Variants in CCDC73 observed in about 807,000 individuals in gnomAD.
The protein encoded by CCDC73 is coiled-coil domain containing 73.
A neutral mutation model predicts 116.5 loss-of-function variants in CCDC73; 95 were observed. That is an observed-to-expected ratio of 0.82 (90% confidence interval 0.69 to 0.97). The LOEUF (loss-of-function observed/expected upper bound fraction) is 0.97. Among genes scored for constraint, CCDC73 ranks in the 50% least tolerant of loss-of-function variants. CCDC73 has a pLI of 0.00. For missense variants in CCDC73, 1,066 were observed against 1,206.8 expected, an observed-to-expected ratio of 0.88 and a Z score of 1.73; for synonymous variants, 398 against 401.3, an observed-to-expected ratio of 0.99 and a Z score of 0.10.
intron 2 of CCDC73, among the ~76,000 whole-genome samples, chr11:32,741,966 T>C (rs951973036): frequency 6.6e-6 from 1 of 152,186 alleles, no homozygotes; most frequent in African/African-American, 2.4e-5. Flanking sequence ...GCTTCATCCA[T>C]GTCCCTACAA....
At chr11:32,702,023 C>T (rs1226400215) in intron 4 of CCDC73, among the ~76,000 whole-genome samples, 2 of 152,310 alleles carry the variant, frequency 1.3e-5, no homozygotes, top group East Asian at 3.9e-4. Context: ...GAATACTATG[C>T]TACACTTTTG....
the CCDC73 span, among the ~76,000 whole-genome samples, chr11:32,820,239 G>T: frequency 6.6e-6 from 1 of 151,870 alleles, no homozygotes; most frequent in Non-Finnish European, 1.5e-5. Flanking sequence ...CTGCAGCCTC[G>T]ATCTCCCAGG....
At chr11:32,774,426 C>T (rs550958403) in intron 1 of CCDC73, among the ~76,000 whole-genome samples, 35 of 151,960 alleles carry the variant, frequency 2.3e-4, no homozygotes, top group Admixed American at 1.1e-3. Flanking sequence ...TTTTAATGAA[C>T]GTGAGAAAAA....
intron 14 of CCDC73, among the ~76,000 whole-genome samples, chr11:32,632,674 T>G (rs973771531): frequency 1.3e-5 from 2 of 152,194 alleles, no homozygotes; most frequent in African/African-American, 4.8e-5. Context: ...AAATCTTTCA[T>G]TATAACTGTG....
intron 6 of CCDC73, among the ~76,000 whole-genome samples, chr11:32,697,638 C>T (rs1305639659): frequency 6.6e-6 from 1 of 151,906 alleles, no homozygotes; most frequent in Non-Finnish European, 1.5e-5. Flanking sequence ...CGCCTGCCAC[C>T]ATGCGTGGCT....
intron 2 of CCDC73, among the ~76,000 whole-genome samples, chr11:32,759,479 C>T (rs978370730): frequency 1.3e-5 from 2 of 151,848 alleles, no homozygotes; most frequent in Non-Finnish European, 2.9e-5. Context: ...TACAAGCATG[C>T]GCCACCATAT....
At chr11:32,671,589 C>A (rs967395689) in intron 9 of CCDC73, among the ~76,000 whole-genome samples, 1 of 152,058 alleles carries the variant, frequency 6.6e-6, no homozygotes, top group African/African-American at 2.4e-5. Flanking sequence ...AAAAAACAAG[C>A]TTTTCCCAAA....
chr11:32,666,691 A>T (rs1033453037), intron 9 of CCDC73, among the ~76,000 whole-genome samples: 1 of 152,080 alleles, frequency 6.6e-6, no homozygotes, highest in African/African-American at 2.4e-5. Flanking sequence ...GCTTTGTTCC[A>T]TTGCTGGCGA....
intron 6 of CCDC73, among the ~76,000 whole-genome samples, chr11:32,687,051 GA>G (rs972860287): frequency 1.5e-4 from 23 of 152,190 alleles, no homozygotes; most frequent in Non-Finnish European, 2.6e-4. Flanking sequence ...CCGCTTTAGA[GA>G]AAAAAATCTT....
intron 1 of CCDC73, among the ~76,000 whole-genome samples, chr11:32,766,434 CAT>C (rs1339060298): frequency 6.6e-6 from 1 of 152,138 alleles, no homozygotes; most frequent in Non-Finnish European, 1.5e-5. Flanking sequence ...TCCTATTCAA[CAT>C]AGTGTTGGAA....
Position 32,602,926 on chromosome 11 carries a change from C to G in CCDC73, c.3125G>C (p.Ser1042Thr), listed in dbSNP as rs1331078904. The part of the protein sequence containing the change: ...KNTSGDDDWQ[S>T]LITNQLNKSE... ...TTTATTTAGTTGATTCGTAATGAGG[C>G]TCTGCCAGTCATCATCACCAGAAGT... Residue 1042 changes from serine to threonine, a missense_variant, in exon 18 of 18, where the codon AGC becomes ACC. Transcript: ENST00000335185. 1.9e-6 allele frequency: 3 copies of G among 1,613,136 alleles called. No individual in the cohort carries two copies. Among genetic ancestry groups the G allele is most frequent in the East Asian group, 4.5e-5 (2 of 44,854 alleles).
At chr11:32,776,989 G>GTGTATA (rs1211332182) in intron 1 of CCDC73, among the ~76,000 whole-genome samples, 2 of 101,128 alleles carry the variant, frequency 2.0e-5, no homozygotes, top group Non-Finnish European at 3.9e-5. Flanking sequence ...ATATACACAT[G>GTGTATA]TATATATATA....
the CCDC73 span, among the ~76,000 whole-genome samples, chr11:32,823,976 C>A: frequency 2.6e-5 from 4 of 152,164 alleles, no homozygotes; most frequent in African/African-American, 4.8e-5. Flanking sequence ...CTCATTGCAA[C>A]CTCCACCTCC....
chr11:32,646,196 G>A (rs781762567), intron 12 of CCDC73, among the ~76,000 whole-genome samples: 8 of 152,076 alleles, frequency 5.3e-5, no homozygotes, highest in African/African-American at 1.7e-4. Context: ...GTATTCTCTC[G>A]ATTTCAGTTT....
the CCDC73 span, among the ~76,000 whole-genome samples, chr11:32,800,629 T>C: frequency 6.6e-6 from 1 of 152,316 alleles, no homozygotes. Flanking sequence ...CCTTTACTTA[T>C]GTTAATGATG....
chr11:32,708,184 C>A (rs1249695005), intron 3 of CCDC73, among the ~76,000 whole-genome samples: 1 of 152,094 alleles, frequency 6.6e-6, no homozygotes, highest in Non-Finnish European at 1.5e-5. Flanking sequence ...TTTATGTTTT[C>A]ATTTGCTTTG....
chr11:32,767,675 A>T lies in CCDC73; in HGVS notation c.-15-7417T>A, dbSNP rs1234273536. Reference sequence around the variant, plus strand: ...AAGTGGGCAAAGGATATGAACAGACACTTCTCAAAAGAAGACATTTATGCA... The same window carrying T: ...AAGTGGGCAAAGGATATGAACAGACTCTTCTCAAAAGAAGACATTTATGCA... On this transcript the variant is annotated intron_variant, in intron 1 of 17. Transcript: ENST00000335185. Among the ~76,000 whole-genome samples the T allele has an allele frequency of 2.0e-5, 3 of 152,252 alleles. No homozygotes were observed. In the East Asian group the frequency reaches 5.8e-4, roughly 29 times the overall value.
intron 3 of CCDC73, among the ~76,000 whole-genome samples, chr11:32,704,831 C>T (rs1849842277): frequency 6.6e-6 from 1 of 152,236 alleles, no homozygotes; most frequent in Admixed American, 6.5e-5. Flanking sequence ...GACTCAGACA[C>T]TCATCTGCAC....
At chr11:32,830,390 G>C in the CCDC73 span, 1 of 949,200 alleles carries the variant, frequency 1.1e-6, no homozygotes, top group Non-Finnish European at 1.4e-6. Context: ...GAAACCGCGC[G>C]CCGGGCGCTC....
Sources: gnomAD v4.1 joint callset for allele counts (sites outside exome capture counted in the v4.1 genomes callset) on GRCh38, gnomAD v4.1.1 for gene constraint, MANE v1.5 for transcripts, NCBI Gene and HGNC (gene_info 2026-07-23, HGNC 2026-07-21) for gene names.